Variants in ALMS1 observed in about 807,000 individuals in gnomAD.
ALMS1 encodes the protein ALMS1 centrosome and basal body associated protein.
Under a neutral mutation model 352.2 loss-of-function variants are expected in ALMS1, and 271 were observed. The ratio of observed to expected loss-of-function variants is 0.77; its 90% CI spans 0.70 to 0.85. ALMS1 has a LOEUF of 0.85. Ranked by LOEUF, ALMS1 falls within the 40% of genes least tolerant of loss-of-function variation. The pLI is 0.00. For missense variants in ALMS1, 5,445 were observed against 4,870.7 expected (o/e 1.12, Z -3.51); for synonymous variants, 1,865 against 1,761.2 (o/e 1.06, Z -1.48).
At chr2:73,480,900 T>C (rs1672687216) in intron 9 of ALMS1, among the ~76,000 whole-genome samples, 2 of 149,284 alleles carry the variant, frequency 1.3e-5, no homozygotes, top group Non-Finnish European at 3.0e-5. Context: ...GTTCATGTCC[T>C]TCGCCCACTT....
At chr2:73,410,530 A>G (rs937005311) in intron 2 of ALMS1, among the ~76,000 whole-genome samples, 7 of 152,194 alleles carry the variant, frequency 4.6e-5, no homozygotes, top group Non-Finnish European at 1.0e-4. Flanking sequence ...ATTACCTATC[A>G]TAGCTGGATT....
chr2:73,593,671 G>A (rs1040276303), intron 16 of ALMS1, among the ~76,000 whole-genome samples: 5 of 152,018 alleles, frequency 3.3e-5, no homozygotes, highest in Admixed American at 6.6e-5. Context: ...AACCATCACC[G>A]TATTCTGATT....
In ALMS1 at chr2:73,558,977, A is replaced by G. The variant is rs778606048; in HGVS notation, c.10219A>G (p.Ser3407Gly). 5.0e-6 allele frequency: 8 copies of G among 1,613,978 alleles called. No individual in the cohort carries two copies. The South Asian group carries it at 8.8e-5, about 18-fold the overall frequency. ...ESLQKDTADS[S>G]AAAAAEHSAQ... ...TGTTAATTTCCCTTTCGTAGATTCC[A>G]GTGCTGCTGCTGCTGCAGAGCACTC... The change falls in exon 15 of 23, where the codon AGT becomes GGT. Residue 3407 changes from serine (S) to glycine (G), a missense_variant. By Grantham distance (56) the Ser-to-Gly change is moderately conservative (BLOSUM62 0). Transcript: ENST00000613296.
intron 9 of ALMS1, among the ~76,000 whole-genome samples, chr2:73,478,981 C>G (rs2103859787): frequency 6.6e-6 from 1 of 152,182 alleles, no homozygotes; most frequent in Non-Finnish European, 1.5e-5. Flanking sequence ...AGAATGATGG[C>G]TTCCGGCTTC....
At chr2:73,489,526 T>A in intron 9 of ALMS1, 108 bp from the exon 10 acceptor site, 2 of 1,295,444 alleles carry the variant, frequency 1.5e-6, no homozygotes, top group Non-Finnish European at 1.1e-6. Flanking sequence ...TGACATGACC[T>A]TCATGGTCTA....
intron 16 of ALMS1, among the ~76,000 whole-genome samples, chr2:73,592,691 C>T (rs1027184637): frequency 1.1e-4 from 17 of 152,118 alleles, no homozygotes; most frequent in African/African-American, 3.9e-4. Flanking sequence ...TGGCCCTTTT[C>T]CTATGTTGGA....
chr2:73,552,008 T>C (rs1166185673), intron 13 of ALMS1, among the ~76,000 whole-genome samples: 1 of 152,214 alleles, frequency 6.6e-6, no homozygotes, highest in Admixed American at 6.5e-5. Context: ...ATAGCATCAG[T>C]GCCTTTGTGA....
intron 11 of ALMS1, among the ~76,000 whole-genome samples, chr2:73,532,393 C>G (rs1345101743): frequency 3.9e-5 from 6 of 152,200 alleles, no homozygotes; most frequent in Non-Finnish European, 8.8e-5. Context: ...GACCTGAAGT[C>G]AGAAACCTTA....
At chr2:73,539,071 C>T (rs960902765) in intron 12 of ALMS1, among the ~76,000 whole-genome samples, 10 of 152,180 alleles carry the variant, frequency 6.6e-5, no homozygotes, top group Non-Finnish European at 1.2e-4. Flanking sequence ...GATCTGAGAA[C>T]GGACAGATTA....
At chr2:73,394,992 A>ATATATATGTGTATATATATGTG (rs1553397357) in intron 1 of ALMS1, among the ~76,000 whole-genome samples, 2 of 122,036 alleles carry the variant, frequency 1.6e-5, no homozygotes, top group African/African-American at 7.3e-5. Context: ...ATATATGTGT[A>ATATATATGTGTATATATATGTG]TATATATATG....
Position 73,495,255 on chromosome 2 carries a change from G to A in ALMS1, c.9539+3757G>A, listed in dbSNP as rs550238460. 5.9e-4 allele frequency among the ~76,000 whole-genome samples: 90 copies of A among 152,024 alleles called. 1 individual carries two copies. The highest frequency in any genetic ancestry group is 1.1e-3 in the Non-Finnish European group (78 of 67,984). On this transcript the variant is annotated intron_variant, in intron 10 of 22. Transcript: ENST00000613296. ...TTGTTGTTGTTTTCTTTCTTTTTGA[G>A]CCGGAGTCTTGCTCTGTCACCCAGG...
At position 73,451,003 on chromosome 2, in the gene ALMS1, G is replaced by C. The variant is rs745623990; in HGVS notation, c.4476G>C (p.Glu1492Asp). The C allele has an allele frequency of 1.9e-6, 3 of 1,610,302 alleles. No homozygotes were observed. Among genetic ancestry groups the C allele is most frequent in the Non-Finnish European group, 2.5e-6 (3 of 1,178,940 alleles). ...TTATCTACAAACAGGCCTTTCCAGA[G>C]GGTCATCTACCTGAAGAGTCTCTGA... ...PIVIYKQAFPEGHLPEESLKV... is the reference protein window; with the variant it reads ...PIVIYKQAFPDGHLPEESLKV... The change falls in exon 8 of 23, where the codon GAG becomes GAC. Residue 1492 changes from glutamate (E) to aspartate (D), a missense_variant. By Grantham distance (45) the Glu-to-Asp change is conservative. Coordinates refer to ENST00000613296, the MANE Select transcript of ALMS1 (RefSeq NM_001378454.1).
chr2:73,601,000 C>T (rs1200075750), intron 18 of ALMS1, 119 bp downstream of exon 18: 1 of 1,407,890 alleles, frequency 7.1e-7, no homozygotes, highest in Non-Finnish European at 9.7e-7. Context: ...CAGCCACAAC[C>T]TTGTCAGGTT....
At chr2:73,564,815 G>A (rs1029630231) in intron 15 of ALMS1, among the ~76,000 whole-genome samples, 6 of 152,188 alleles carry the variant, frequency 3.9e-5, no homozygotes, top group African/African-American at 1.4e-4. Flanking sequence ...GGGACAGTAA[G>A]AAAACTGCCT....
chr2:73,458,161 TC>T (rs1237088144), intron 9 of ALMS1: 1 of 152,118 alleles, frequency 6.6e-6, no homozygotes, highest in African/African-American at 2.4e-5. Flanking sequence ...CTTTTTTCAG[TC>T]TATTAACTGA....
chr2:73,571,763 A>C (rs534340790), intron 15 of ALMS1, among the ~76,000 whole-genome samples: 2 of 152,342 alleles, frequency 1.3e-5, no homozygotes, highest in African/African-American at 2.4e-5. Flanking sequence ...TCCACAGAAA[A>C]GGAATTTCAA....
intron 21 of ALMS1, among the ~76,000 whole-genome samples, chr2:73,606,723 A>T (rs565048382): frequency 6.6e-6 from 1 of 152,254 alleles, no homozygotes; most frequent in South Asian, 2.1e-4. Context: ...CAACCCAGAG[A>T]GGGGAAGTAA....
At chr2:73,582,377 TAAA>T (rs1228453147) in intron 16 of ALMS1, among the ~76,000 whole-genome samples, 2 of 152,226 alleles carry the variant, frequency 1.3e-5, no homozygotes, top group Non-Finnish European at 1.5e-5. Flanking sequence ...TTGTGCGTGG[TAAA>T]AAACACATAC....
rs770879267 is a variant in ALMS1, at chr2:73,517,246, C to CT, written c.9540-2512dup. Among the ~76,000 whole-genome samples the CT allele has an allele frequency of 6.8e-3, 713 of 104,958 alleles. 19 individuals carry two copies. Among genetic ancestry groups the CT allele is most frequent in the Middle Eastern group, 0.011 (2 of 190 alleles). 68.9% of individuals were successfully genotyped at this position (104,958 alleles called of 152,430 possible). A position where few individuals can be genotyped will look rare whatever the true frequency, so the allele number is the denominator to read the frequency against. On this transcript the variant is annotated intron_variant, in intron 10 of 22. Transcript: ENST00000613296. ...CAAGTGATTTTTTGAAAGTTTTAGT[C>CT]TTTTTTTTTTTTTTTTTCTTATAGA...
Sources: gnomAD v4.1 joint callset for allele counts (sites outside exome capture counted in the v4.1 genomes callset) on GRCh38, gnomAD v4.1.1 for gene constraint, MANE v1.5 for transcripts, NCBI Gene and HGNC (gene_info 2026-07-23, HGNC 2026-07-21) for gene names.